VSIG2: variants seen among roughly 807,000 people sequenced by gnomAD.
VSIG2 encodes V-set and immunoglobulin domain-containing protein 2.
Under a neutral mutation model 29.4 loss-of-function variants are expected in VSIG2, and 30 were observed. The ratio of observed to expected loss-of-function variants is 1.02; its 90% CI spans 0.76 to 1.38. The LOEUF (loss-of-function observed/expected upper bound fraction) is 1.38. Ranked by LOEUF, VSIG2 falls within the 40% of genes most tolerant of loss-of-function variation. VSIG2 has a pLI of 0.00. For missense variants in VSIG2, 421 were observed against 400.8 expected (o/e 1.05, Z -0.43); for synonymous variants, 178 against 174.2 (o/e 1.02, Z -0.17).
chr11:124,748,247 G>A, intron 6 of VSIG2, 143 bp downstream of exon 6: 1 of 960,482 alleles, frequency 1.0e-6, no homozygotes, highest in East Asian at 2.5e-5. Flanking sequence ...TTACACTGCT[G>A]CCACCAGCAA....
rs546624160 is a variant in VSIG2, at chr11:124,747,487, C to T, written c.*48G>A. ...AAGGAGACAGTATGGTACCCACAGA[C>T]TTTAATTATTGATATTCCCCCTCAC... On this transcript the variant is annotated 3_prime_UTR_variant, in exon 7 of 7. Transcript: ENST00000326621. The T allele has an allele frequency of 9.8e-5, 155 of 1,580,330 alleles. No homozygotes were observed. The South Asian group carries it at 1.7e-3, about 17-fold the overall frequency.
chr11:124,750,657 C>T (rs1944074080), intron 3 of VSIG2, 57 bp downstream of exon 3: 4 of 1,572,976 alleles, frequency 2.5e-6, no homozygotes, highest in Non-Finnish European at 3.5e-6. Flanking sequence ...AAGACCAGTG[C>T]AAACGCCCCA....
intron 6 of VSIG2, chr11:124,748,033 C>T (rs893228340): frequency 5.5e-6 from 2 of 366,764 alleles, no homozygotes; most frequent in Non-Finnish European, 9.8e-6. Flanking sequence ...CAGCTGACTG[C>T]TCAGGACAAA....
Position 124,752,235 on chromosome 11 carries a change from G to A in VSIG2, c.-98C>T, listed in dbSNP as rs1180947822. On this transcript the variant is annotated 5_prime_UTR_variant, in exon 1 of 7. Transcript: ENST00000326621. ...AGGGAGCACCCAAGGGCAGCCGCCC[G>A]GGCTGGGCAGGAGCGAGACTGGTAT... The A allele has an allele frequency of 2.4e-6, 3 of 1,276,572 alleles. No homozygotes were observed. Among genetic ancestry groups the A allele is most frequent in the Non-Finnish European group, 2.1e-6 (2 of 949,636 alleles). 79.1% of individuals were successfully genotyped at this position (1,276,572 alleles called of 1,614,324 possible).
chr11:124,751,533 G>C lies in VSIG2; in HGVS notation c.109C>G (p.Leu37Val). ...KVPTEPLSTP[L>V]GKTAELTCTY... ...CAGGTCAGCTCGGCTGTCTTCCCCA[G>C]GGGCGTGCTCAGCGGCTCTGTGGGT... The change falls in exon 2 of 7, where the codon CTG becomes GTG. Residue 37 changes from leucine to valine, a missense_variant. Leu to Val is a conservative substitution (Grantham distance 32, BLOSUM62 1). Transcript: ENST00000326621. 1 of 1,611,788 alleles carries C rather than the reference G, an allele frequency of 6.2e-7. No homozygotes were observed. Among genetic ancestry groups the C allele is most frequent in the South Asian group, 1.1e-5 (1 of 91,076 alleles).
rs1370728958 is a variant in VSIG2 at position 124,750,746 on chromosome 11, T to C, written c.395A>G (p.Asn132Ser). The change falls in exon 3 of 7, where the codon AAT (asparagine) becomes AGT (serine). Residue 132 changes from asparagine to serine, a missense_variant. Coordinates refer to ENST00000326621, the MANE Select transcript of VSIG2 (RefSeq NM_014312.5). ...AGTAAGGTTGATTAGCCCCAACCCA[T>C]TGGTGTAGAAATCTGGTGGGTTGTT... ...QVNNPPDFYT[N>S]GLGLINLTVL... is the part of the protein sequence containing the mutation. 1.9e-6 allele frequency: 3 copies of C among 1,613,876 alleles called. No homozygotes were observed. Among genetic ancestry groups the C allele is most frequent in the Non-Finnish European group, 2.5e-6 (3 of 1,179,986 alleles).
chr11:124,752,184 A>G lies in VSIG2; in HGVS notation c.-47T>C, dbSNP rs748323289. ...CCTGCTCCTGCCAGGTGGGCGGTCA[A>G]GGTCGGTCTGGGTGTCGGGCAGGGA... On this transcript the variant is annotated 5_prime_UTR_variant, in exon 1 of 7. Coordinates refer to ENST00000326621, the MANE Select transcript of VSIG2 (RefSeq NM_014312.5). 86 of 1,513,410 alleles carry G rather than the reference A, an allele frequency of 5.7e-5. No individual in the cohort carries two copies. Among genetic ancestry groups the G allele is most frequent in the Non-Finnish European group, 7.5e-5 (85 of 1,136,230 alleles). The allele number at this position is 1,513,410 out of a possible 1,614,324, so 93.7% of individuals were successfully genotyped here.
chr11:124,752,206 G>A lies in VSIG2; in HGVS notation c.-69C>T, dbSNP rs1944096424. 1 of 1,471,700 alleles carries A rather than the reference G, an allele frequency of 6.8e-7. No individual in the cohort carries two copies. The highest frequency in any genetic ancestry group is 2.4e-5 in the Admixed American group (1 of 42,066). 91.2% of individuals were successfully genotyped at this position (1,471,700 alleles called of 1,614,324 possible). Reference sequence around the variant, plus strand: ...TCAAGGTCGGTCTGGGTGTCGGGCAGGGAAGGGAGCACCCAAGGGCAGCCG... The same window carrying A: ...TCAAGGTCGGTCTGGGTGTCGGGCAAGGAAGGGAGCACCCAAGGGCAGCCG... On this transcript the variant is annotated 5_prime_UTR_variant, in exon 1 of 7. Coordinates refer to ENST00000326621, the MANE Select transcript of VSIG2 (RefSeq NM_014312.5).
Position 124,751,564 on chromosome 11 carries a change from C to T in VSIG2, c.78G>A (p.Val26=). The part of the protein sequence containing the change: ...FLCLSGLAVE[V]KVPTEPLSTP... ...TGCTCAGCGGCTCTGTGGGTACCTTCACCTCCACGGCCAGCCCTGGGGCCG... is the reference window on the plus strand; with the variant it reads ...TGCTCAGCGGCTCTGTGGGTACCTTTACCTCCACGGCCAGCCCTGGGGCCG... Residue 26 remains valine, a synonymous_variant, in exon 2 of 7, where the codon GTG becomes GTA. Transcript: ENST00000326621. 1 of 1,602,020 alleles carries T rather than the reference C, an allele frequency of 6.2e-7. No individual in the cohort carries two copies. Among genetic ancestry groups the T allele is most frequent in the African/African-American group, 1.3e-5 (1 of 74,924 alleles).
At position 124,750,929 on chromosome 11, in the gene VSIG2, G is replaced by C; in HGVS notation, c.220-8C>G. 6.2e-7 allele frequency: 1 copy of C among 1,613,696 alleles called. No homozygotes were observed. Among genetic ancestry groups the C allele is most frequent in the Non-Finnish European group, 8.5e-7 (1 of 1,179,738 alleles). ...ATTGGTGAAGTACAGGATCTGGGGA[G>C]AGGCAGAAGACACACATATGTGCCT... On this transcript the variant is annotated splice_region_variant and splice_polypyrimidine_tract_variant and intron_variant, in intron 2 of 6. Coordinates refer to ENST00000326621, the MANE Select transcript of VSIG2 (RefSeq NM_014312.5).
Position 124,749,943 on chromosome 11 carries a change from G to GT in VSIG2, c.428-78dup, listed in dbSNP as rs370620397. 8.6e-3 allele frequency: 12,207 copies of GT among 1,422,486 alleles called. 61 individuals carry two copies. Among genetic ancestry groups the GT allele is most frequent in the Non-Finnish European group, 0.01 (11,217 of 1,086,816 alleles). The allele number at this position is 1,422,486 out of a possible 1,614,324, so 88.1% of individuals were successfully genotyped here. On this transcript the variant is annotated intron_variant, in intron 3 of 6. Coordinates refer to ENST00000326621, the MANE Select transcript of VSIG2 (RefSeq NM_014312.5). Reference sequence around the variant, plus strand: ...CCAGCCCCACTCCCAACTCCATTAGGTGCTACATTCTCTACTTCAATACCC... The same window carrying GT: ...CCAGCCCCACTCCCAACTCCATTAGGTTGCTACATTCTCTACTTCAATACCC...
At position 124,752,177 on chromosome 11, in the gene VSIG2, G is replaced by A. The variant is rs1944096082; in HGVS notation, c.-40C>T. On this transcript the variant is annotated 5_prime_UTR_variant, in exon 1 of 7. Transcript: ENST00000326621. ...GTCCTGTCCTGCTCCTGCCAGGTGGGCGGTCAAGGTCGGTCTGGGTGTCGG... is the reference window on the plus strand; with the variant it reads ...GTCCTGTCCTGCTCCTGCCAGGTGGACGGTCAAGGTCGGTCTGGGTGTCGG... The A allele has an allele frequency of 1.3e-6, 2 of 1,527,650 alleles. No individual in the cohort carries two copies. Among genetic ancestry groups the A allele is most frequent in the African/African-American group, 1.4e-5 (1 of 72,624 alleles). 94.6% of individuals were successfully genotyped at this position (1,527,650 alleles called of 1,614,324 possible).
chr11:124,748,384 G>C lies in VSIG2; in HGVS notation c.851+6C>G. The C allele has an allele frequency of 6.3e-7, 1 of 1,597,630 alleles. No homozygotes were observed. The highest frequency in any genetic ancestry group is 8.5e-7 in the Non-Finnish European group (1 of 1,171,844). On this transcript the variant is annotated splice_donor_region_variant and intron_variant, in intron 6 of 6. Transcript: ENST00000326621. ...CCTTGCGCCACCCCCCAGCCCTCCT[G>C]CTCACCGAAGGTCACTACCCCCATA...
At chr11:124,749,892 A>AC in intron 3 of VSIG2, 26 bp from the exon 4 acceptor site, 1 of 1,531,690 alleles carries the variant, frequency 6.5e-7, no homozygotes, top group Non-Finnish European at 8.7e-7. Flanking sequence ...AAAAAAAAAA[A>AC]AAACAGAAAG....
At chr11:124,748,253 A>C in intron 6 of VSIG2, 137 bp downstream of exon 6, 1 of 1,034,902 alleles carries the variant, frequency 9.7e-7, no homozygotes, top group Non-Finnish European at 1.4e-6. Flanking sequence ...TGCTGCCACC[A>C]GCAAATTCCA....
At chr11:124,749,961 C>T in intron 3 of VSIG2, 95 bp from the exon 4 acceptor site, 4 of 1,332,936 alleles carry the variant, frequency 3.0e-6, no homozygotes, top group Non-Finnish European at 4.0e-6. Flanking sequence ...TTCTCTACTT[C>T]AATACCCCTA....
chr11:124,752,231 G>A lies in VSIG2; in HGVS notation c.-94C>T, dbSNP rs899497926. On this transcript the variant is annotated 5_prime_UTR_variant, in exon 1 of 7. Coordinates refer to ENST00000326621, the MANE Select transcript of VSIG2 (RefSeq NM_014312.5). ...GGGAAGGGAGCACCCAAGGGCAGCC[G>A]CCCGGGCTGGGCAGGAGCGAGACTG... 14 of 1,335,396 alleles carry A rather than the reference G, an allele frequency of 1.0e-5. No homozygotes were observed. Among genetic ancestry groups the A allele is most frequent in the Middle Eastern group, 1.9e-4 (1 of 5,326 alleles). The allele number at this position is 1,335,396 out of a possible 1,614,324, so 82.7% of individuals were successfully genotyped here. A position where few individuals can be genotyped will look rare whatever the true frequency, so the allele number is the denominator to read the frequency against.
At position 124,749,756 on chromosome 11, in the gene VSIG2, C is replaced by A; in HGVS notation, c.538G>T (p.Val180Leu). 1 of 1,613,668 alleles carries A rather than the reference C, an allele frequency of 6.2e-7. No individual in the cohort carries two copies. Among genetic ancestry groups the A allele is most frequent in the East Asian group, 2.2e-5 (1 of 44,862 alleles). ...EGAPKPVYNW[V>L]RLGTFPTPSP... is the part of the protein sequence containing the mutation. ...GGTGTAGGAAAAGTTCCAAGACGCA[C>A]CCAGTTGTACACTGGCTTAGGAGCC... Residue 180 changes from valine (V) to leucine (L), a missense_variant, in exon 4 of 7, where the codon GTG becomes TTG. Transcript: ENST00000326621.
rs113970155 is a variant in VSIG2, at chr11:124,748,864, G to A, written c.587-101C>T. On this transcript the variant is annotated intron_variant, in intron 4 of 6. Coordinates refer to ENST00000326621, the MANE Select transcript of VSIG2 (RefSeq NM_014312.5). ...TCATCCTTATAACAATCCTGTCAGGGAGCAACTAATTTTTTTTCACTGGGG... is the reference window on the plus strand; with the variant it reads ...TCATCCTTATAACAATCCTGTCAGGAAGCAACTAATTTTTTTTCACTGGGG... The A allele has an allele frequency of 3.2e-6, 5 of 1,576,126 alleles. No individual in the cohort carries two copies. The South Asian group carries it at 4.5e-5, about 14-fold the overall frequency.
Sources: allele counts gnomAD v4.1 joint callset, GRCh38; gene constraint gnomAD v4.1.1; transcripts MANE v1.5; gene names NCBI Gene and HGNC (gene_info 2026-07-23, HGNC 2026-07-21).